Variants in HTR1F observed in about 807,000 individuals in gnomAD.
HTR1F encodes 5-hydroxytryptamine (serotonin) receptor 1F, G protein-coupled.
HTR1F carries 17 observed loss-of-function variants against 24.0 expected under a neutral mutation model. That is an observed-to-expected ratio of 0.71 (90% CI 0.48 to 1.06). The LOEUF is 1.06. Among genes scored for constraint, HTR1F ranks in the 50% least tolerant of loss-of-function variants. The pLI, the probability that HTR1F is intolerant of heterozygous loss-of-function variation, is 0.00. For synonymous variants in HTR1F, 186 were observed against 156.8 expected, an observed-to-expected ratio of 1.19 and a Z score of -1.39; for missense variants, 391 against 427.8, an observed-to-expected ratio of 0.91 and a Z score of 0.76.
chr3:87,919,583 G>A (rs1703967355), intron 2 of HTR1F, among the ~76,000 whole-genome samples: 1 of 151,796 alleles, frequency 6.6e-6, no homozygotes, highest in African/African-American at 2.4e-5. Context: ...ATTCTCAAAA[G>A]AAGATATACA....
intron 2 of HTR1F, among the ~76,000 whole-genome samples, chr3:87,866,323 C>T (rs1705425803): frequency 6.6e-6 from 1 of 152,116 alleles, no homozygotes; most frequent in Non-Finnish European, 1.5e-5. Context: ...TTTAGAGCTG[C>T]TAGTCAGAGC....
rs182198418 is a variant in HTR1F, at chr3:87,826,364, A to G, written c.-43+4240A>G. The stretch of plus-strand genomic sequence containing the variant: ...AATGATTGATTTCCCCTAAGTTACA[A>G]GCAAAAATAAATATTTCATAGCTTT... On this transcript the variant is annotated intron_variant, in intron 2 of 2. Transcript: ENST00000319595. 2.6e-4 allele frequency among the ~76,000 whole-genome samples: 40 copies of G among 152,304 alleles called. 1 individual carries two copies. The East Asian group carries it at 4.2e-3, about 16-fold the overall frequency.
chr3:87,972,884 TAC>T (rs1705315142), intron 2 of HTR1F, among the ~76,000 whole-genome samples: 1 of 134,358 alleles, frequency 7.4e-6, no homozygotes, highest in Non-Finnish European at 1.7e-5. Flanking sequence ...TTAATAATAA[TAC>T]CTGGCCTGGA....
Position 87,822,123 on chromosome 3 carries a change from T to C in HTR1F, c.-44T>C, listed in dbSNP as rs1704371641. On this transcript the variant is annotated splice_region_variant and 5_prime_UTR_variant, in exon 2 of 3. The change abolishes an upstream ATG in the 5' untranslated region. Transcript: ENST00000319595. ...ACCCACAATTCAATCTACCACAGTA[T>C]GGTAAGCATTCCCAGCTTTAAACCA... Among the ~76,000 whole-genome samples the C allele has an allele frequency of 6.6e-6, 1 of 152,048 alleles. No individual in the cohort carries two copies. The highest frequency in any genetic ancestry group is 1.5e-5 in the Non-Finnish European group (1 of 68,018).
At chr3:87,932,737 G>C (rs1704311928) in intron 2 of HTR1F, among the ~76,000 whole-genome samples, 1 of 151,408 alleles carries the variant, frequency 6.6e-6, no homozygotes, top group South Asian at 2.1e-4. Flanking sequence ...AAAGAGTCCA[G>C]GACCAGATGG....
At chr3:87,902,639 G>C (rs2107328646) in intron 2 of HTR1F, among the ~76,000 whole-genome samples, 1 of 151,386 alleles carries the variant, frequency 6.6e-6, no homozygotes, top group South Asian at 2.1e-4. Context: ...GGGTACATGT[G>C]CACAATGTGC....
rs921533139 is a variant in HTR1F, at chr3:87,992,203, T to G, written c.*353T>G. 7 of 169,366 alleles carry G rather than the reference T, an allele frequency of 4.1e-5. No individual in the cohort carries two copies. Among genetic ancestry groups the G allele is most frequent in the African/African-American group, 1.7e-4 (7 of 41,544 alleles). The allele number at this position is 169,366 out of a possible 1,614,324, so 10.5% of individuals were successfully genotyped here. A position where few individuals can be genotyped will look rare whatever the true frequency, so the allele number is the denominator to read the frequency against. On this transcript the variant is annotated 3_prime_UTR_variant, in exon 3 of 3. Transcript: ENST00000319595. The stretch of plus-strand genomic sequence containing the variant: ...ATAGAGGAGTTTTCAATTAACAACA[T>G]ACCTCCCTCCATAATTTCTATCTAG...
chr3:87,849,609 G>T (rs1705033705), intron 2 of HTR1F, among the ~76,000 whole-genome samples: 1 of 151,928 alleles, frequency 6.6e-6, no homozygotes, highest in African/African-American at 2.4e-5. Flanking sequence ...TTGACAAATG[G>T]GATCTAATTA....
At chr3:87,985,142 C>T (rs1705634568) in intron 2 of HTR1F, among the ~76,000 whole-genome samples, 1 of 152,032 alleles carries the variant, frequency 6.6e-6, no homozygotes, top group Non-Finnish European at 1.5e-5. Context: ...TTGAGACCAC[C>T]CTGACCAACA....
At chr3:87,911,915 C>A (rs749059368) in intron 2 of HTR1F, among the ~76,000 whole-genome samples, 1 of 152,060 alleles carries the variant, frequency 6.6e-6, no homozygotes. Context: ...AAGAAATATA[C>A]CTCAAAATAA....
chr3:87,905,699 CTCAAAGGTGTAACCT>C (rs1559626004), intron 2 of HTR1F, among the ~76,000 whole-genome samples: 2 of 150,240 alleles, frequency 1.3e-5, no homozygotes, highest in Non-Finnish European at 2.9e-5. Context: ...TCAAGGAGGA[CTCAAAGGTGTAACCT>C]TCTCTAAATA....
chr3:87,900,407 T>A (rs1706295507), intron 2 of HTR1F, among the ~76,000 whole-genome samples: 2 of 152,152 alleles, frequency 1.3e-5, no homozygotes, highest in Admixed American at 1.3e-4. Flanking sequence ...AGAAATTAAC[T>A]CAGACAAGTT....
chr3:87,821,047 G>A (rs1224310445), intron 1 of HTR1F, among the ~76,000 whole-genome samples: 1 of 151,902 alleles, frequency 6.6e-6, no homozygotes, highest in Non-Finnish European at 1.5e-5. Context: ...CCAACCCTTT[G>A]GTAATATTTG....
chr3:87,992,825 C>A lies in HTR1F; in HGVS notation c.*975C>A, dbSNP rs1314602864. On this transcript the variant is annotated 3_prime_UTR_variant, in exon 3 of 3. Transcript: ENST00000319595. Reference sequence around the variant, plus strand: ...TGATTTCAACATTATTTCCCGTTTACTAGACAGAATATAATGGAAATTTTT... The same window carrying A: ...TGATTTCAACATTATTTCCCGTTTAATAGACAGAATATAATGGAAATTTTT... 6.0e-6 allele frequency: 1 copy of A among 166,896 alleles called. No homozygotes were observed. Among genetic ancestry groups the A allele is most frequent in the Non-Finnish European group, 1.5e-5 (1 of 68,074 alleles). The allele number at this position is 166,896 out of a possible 1,614,324, so 10.3% of individuals were successfully genotyped here.
chr3:87,810,804 C>T (rs1704147520), intron 1 of HTR1F, among the ~76,000 whole-genome samples: 1 of 152,096 alleles, frequency 6.6e-6, no homozygotes, highest in Non-Finnish European at 1.5e-5. Flanking sequence ...GTATGTTCCC[C>T]AACTTGTGGC....
intron 2 of HTR1F, among the ~76,000 whole-genome samples, chr3:87,990,327 A>G (rs1464821762): frequency 6.6e-6 from 1 of 152,232 alleles, no homozygotes; most frequent in South Asian, 2.1e-4. Context: ...AGTCAGTAGT[A>G]CTGAAACAGT....
intron 2 of HTR1F, among the ~76,000 whole-genome samples, chr3:87,964,267 G>T (rs76623424): frequency 0.025 from 3,767 of 151,960 alleles, 173 homozygotes; most frequent in African/African-American, 0.085. Context: ...TTTCCTTCTG[G>T]GTATACATGA....
intron 2 of HTR1F, among the ~76,000 whole-genome samples, chr3:87,964,271 T>C (rs2107484198): frequency 6.6e-6 from 1 of 152,294 alleles, no homozygotes; most frequent in African/African-American, 2.4e-5. Context: ...CTTCTGGGTA[T>C]ACATGACGCC....
chr3:87,935,094 C>T (rs1704379392), intron 2 of HTR1F, among the ~76,000 whole-genome samples: 2 of 152,146 alleles, frequency 1.3e-5, no homozygotes, highest in Non-Finnish European at 2.9e-5. Context: ...TCTTGAATCC[C>T]TGGAATCAAG....
Sources: allele counts gnomAD v4.1 joint callset (sites outside exome capture counted in the v4.1 genomes callset), GRCh38; gene constraint gnomAD v4.1.1; transcripts MANE v1.5; gene names NCBI Gene and HGNC (gene_info 2026-07-23, HGNC 2026-07-21).